TRDN: variants seen among roughly 807,000 people sequenced by gnomAD.
The protein encoded by TRDN is triadin, also known as triadin in skeletal muscle.
In TRDN, 161 loss-of-function variants were observed where a neutral mutation model predicts 149.7. The ratio of observed to expected loss-of-function variants is 1.08; its 90% confidence interval spans 0.95 to 1.23. The LOEUF is 1.23. Among genes scored for constraint, TRDN ranks in the 50% most tolerant of loss-of-function variants. The probability of loss-of-function intolerance (pLI) is 0.00; values close to 1 mark genes in which losing one functional copy is unlikely to be tolerated. For synonymous variants in TRDN, 294 were observed against 250.5 expected (o/e 1.17, Z -1.64); for missense variants, 896 against 823.5 (o/e 1.09, Z -1.08).
chr6:123,522,628 T>C (rs2114293611), intron 5 of TRDN, among the ~76,000 whole-genome samples: 1 of 151,476 alleles, frequency 6.6e-6, no homozygotes, highest in Middle Eastern at 3.4e-3. Context: ...TTACAGAAAG[T>C]TTTTGTTTTA....
intron 19 of TRDN, among the ~76,000 whole-genome samples, chr6:123,372,309 A>G (rs1158974465): frequency 3.9e-5 from 6 of 152,174 alleles, no homozygotes; most frequent in African/African-American, 7.2e-5. Context: ...GACATATATT[A>G]GTAGATTAGA....
intron 5 of TRDN, among the ~76,000 whole-genome samples, chr6:123,522,517 CTTTTTTT>C (rs375665403): frequency 6.9e-5 from 6 of 87,222 alleles, no homozygotes; most frequent in South Asian, 4.0e-4. Flanking sequence ...TGCGGTTCCT[CTTTTTTT>C]TTTTTTTTTT....
At chr6:123,396,199 TA>T (rs1223615829) in intron 12 of TRDN, among the ~76,000 whole-genome samples, 1 of 152,178 alleles carries the variant, frequency 6.6e-6, no homozygotes, top group Non-Finnish European at 1.5e-5. Flanking sequence ...ATTTTCATTA[TA>T]AATAATTTTT....
chr6:123,306,895 G>GAA (rs35757348), intron 24 of TRDN, among the ~76,000 whole-genome samples: 3 of 149,824 alleles, frequency 2.0e-5, no homozygotes, highest in African/African-American at 2.4e-5. Flanking sequence ...AAGGGGTAAA[G>GAA]AAAAAAAAAG....
chr6:123,622,058 G>C (rs1785411188), intron 1 of TRDN, among the ~76,000 whole-genome samples: 1 of 152,030 alleles, frequency 6.6e-6, no homozygotes, highest in African/African-American at 2.4e-5. Context: ...GCATATGCCT[G>C]GCTCTCTGGC....
intron 21 of TRDN, among the ~76,000 whole-genome samples, chr6:123,340,226 G>C (rs377193456): frequency 2.5e-3 from 384 of 152,158 alleles, no homozygotes; most frequent in African/African-American, 8.5e-3. Flanking sequence ...TATAACAGAG[G>C]ATATCAGCCC....
chr6:123,442,663 A>T (rs1774994070), intron 10 of TRDN, among the ~76,000 whole-genome samples: 2 of 152,168 alleles, frequency 1.3e-5, no homozygotes, highest in South Asian at 4.1e-4. Flanking sequence ...GATAATAATG[A>T]CAAGCTATTA....
At chr6:123,431,015 G>T (rs1774318184) in intron 12 of TRDN, among the ~76,000 whole-genome samples, 2 of 152,136 alleles carry the variant, frequency 1.3e-5, no homozygotes, top group Admixed American at 1.3e-4. Flanking sequence ...TCCACTGTTG[G>T]AAAATCTCTT....
At position 123,351,257 on chromosome 6, in the gene TRDN, C is replaced by A. The variant is rs1309698837; in HGVS notation, c.1369+1282G>T. ...TTACATGCTTATCTAGAAGTTTACA[C>A]ATTTTCATATCCTTTCACATATGTT... On this transcript the variant is annotated intron_variant, in intron 21 of 40. Coordinates refer to ENST00000334268, the MANE Select transcript of TRDN (RefSeq NM_006073.4). The A allele has an allele frequency of 1.4e-5, 14 of 970,772 alleles. 1 individual carries two copies. The highest frequency in any genetic ancestry group is 5.2e-4 in the Middle Eastern group (1 of 1,908). 60.1% of individuals were successfully genotyped at this position (970,772 alleles called of 1,614,324 possible).
chr6:123,467,866 T>C (rs1345230782), intron 9 of TRDN, among the ~76,000 whole-genome samples: 1 of 152,154 alleles, frequency 6.6e-6, no homozygotes, highest in Admixed American at 6.5e-5. Context: ...TTGTTTAGTA[T>C]AAAGACTGCA....
chr6:123,305,590 C>T (rs955240442), intron 24 of TRDN, among the ~76,000 whole-genome samples: 4 of 152,104 alleles, frequency 2.6e-5, no homozygotes, highest in African/African-American at 9.7e-5. Flanking sequence ...GATGCCACGA[C>T]CAAAGACATT....
rs1435377768 is a variant in TRDN at position 123,351,777 on chromosome 6, T to G, written c.1369+762A>C. 2.0e-5 allele frequency: 18 copies of G among 919,574 alleles called. No individual in the cohort carries two copies. In the East Asian group the frequency reaches 2.0e-3, roughly 102 times the overall value. 57.0% of individuals were successfully genotyped at this position (919,574 alleles called of 1,614,324 possible). Reference sequence around the variant, plus strand: ...TTGTTCTTGATAAAATTATTGCAAGTTCTAATTTAATTTATTACAATAAAT... The same window carrying G: ...TTGTTCTTGATAAAATTATTGCAAGGTCTAATTTAATTTATTACAATAAAT... On this transcript the variant is annotated intron_variant, in intron 21 of 40. Coordinates refer to ENST00000334268, the MANE Select transcript of TRDN (RefSeq NM_006073.4).
chr6:123,221,508 C>T lies in TRDN; in HGVS notation c.2029G>A (p.Val677Met), dbSNP rs1775146968. The T allele has an allele frequency of 6.4e-7, 1 of 1,570,686 alleles. No individual in the cohort carries two copies. The highest frequency in any genetic ancestry group is 2.3e-5 in the East Asian group (1 of 44,024). Residue 677 changes from valine to methionine, a missense_variant, in exon 40 of 41, where the codon GTG becomes ATG. Val to Met is a conservative substitution (Grantham distance 21). Transcript: ENST00000334268. ...SKKAKEGTED[V>M]SPTKQKSPIS... is the part of the protein sequence containing the mutation. ...TTACTTTTCTGCTTTGTGGGAGACACATCTTCAGTTCCTTCTAGTGGATAA... is the reference window on the plus strand; with the variant it reads ...TTACTTTTCTGCTTTGTGGGAGACATATCTTCAGTTCCTTCTAGTGGATAA...
intron 23 of TRDN, among the ~76,000 whole-genome samples, chr6:123,324,830 C>T (rs749279434): frequency 5.3e-5 from 8 of 152,114 alleles, no homozygotes; most frequent in Non-Finnish European, 1.2e-4. Context: ...AATACATGAC[C>T]TCTTTCCATC....
chr6:123,362,186 A>C (rs4365953), intron 20 of TRDN, among the ~76,000 whole-genome samples: 141,197 of 152,186 alleles, frequency 0.93, 65,557 homozygotes, highest in East Asian at 0.99. Flanking sequence ...TCCACTGAAT[A>C]TACTTCTTTA....
chr6:123,365,216 C>A (rs1781044197), intron 20 of TRDN, among the ~76,000 whole-genome samples: 1 of 152,096 alleles, frequency 6.6e-6, no homozygotes, highest in Admixed American at 6.6e-5. Flanking sequence ...TTATTGCCTG[C>A]AAATACAGTT....
chr6:123,445,207 T>A (rs1288418895), intron 10 of TRDN: 2 of 152,010 alleles, frequency 1.3e-5, no homozygotes. Flanking sequence ...ATCCTGTTAT[T>A]GGTCTATTCA....
At chr6:123,558,092 G>A (rs940954049) in intron 2 of TRDN, among the ~76,000 whole-genome samples, 3 of 151,940 alleles carry the variant, frequency 2.0e-5, no homozygotes, top group Non-Finnish European at 4.4e-5. Context: ...ATGGGCAAAC[G>A]GTCTGAGGTG....
At chr6:123,425,048 A>G (rs964976176) in intron 12 of TRDN, among the ~76,000 whole-genome samples, 1 of 152,150 alleles carries the variant, frequency 6.6e-6, no homozygotes, top group African/African-American at 2.4e-5. Flanking sequence ...TCATAAAGGT[A>G]GTGAGGAAAG....
Sources: gnomAD v4.1 joint callset for allele counts (sites outside exome capture counted in the v4.1 genomes callset) on GRCh38, gnomAD v4.1.1 for gene constraint, MANE v1.5 for transcripts, NCBI Gene and HGNC (gene_info 2026-07-23, HGNC 2026-07-21) for gene names.